BEND5: variants seen among roughly 807,000 people sequenced by gnomAD.
BEND5 encodes BEN domain containing 5, also known as BEN domain-containing protein 5.
Under a neutral mutation model 43.9 loss-of-function variants are expected in BEND5, and 22 were observed. The observed-to-expected ratio is 0.50, with a 90% CI of 0.36 to 0.72. BEND5 has a LOEUF of 0.72. Among genes scored for constraint, BEND5 ranks in the 30% least tolerant of loss-of-function variants. BEND5 has a pLI of 0.00. For missense variants in BEND5, 428 were observed against 550.6 expected, an observed-to-expected ratio of 0.78 and a Z score of 2.23; for synonymous variants, 228 against 225.9, an observed-to-expected ratio of 1.01 and a Z score of -0.08.
At chr1:48,765,622 A>AT (rs150108402) in intron 1 of BEND5, among the ~76,000 whole-genome samples, 34 of 152,356 alleles carry the variant, frequency 2.2e-4, no homozygotes, top group African/African-American at 7.9e-4. Context: ...ACAAATGTTC[A>AT]TAACAGCATT....
intron 2 of BEND5, among the ~76,000 whole-genome samples, chr1:48,759,887 A>C (rs1027288245): frequency 3.3e-5 from 5 of 152,158 alleles, no homozygotes; most frequent in African/African-American, 1.2e-4. Flanking sequence ...CTGCCTACTC[A>C]CTCAGAACTG....
chr1:48,744,596 T>C (rs1241437022), intron 3 of BEND5, among the ~76,000 whole-genome samples: 1 of 152,178 alleles, frequency 6.6e-6, no homozygotes, highest in Non-Finnish European at 1.5e-5. Context: ...AAAGCCTCCT[T>C]TTCCTTCCAT....
intron 4 of BEND5, among the ~76,000 whole-genome samples, chr1:48,737,329 G>A (rs867710622): frequency 2.6e-5 from 4 of 152,116 alleles, no homozygotes; most frequent in Admixed American, 2.0e-4. Context: ...TCATCAGTTC[G>A]TGGGCCCCAC....
intron 1 of BEND5, among the ~76,000 whole-genome samples, chr1:48,773,221 A>C (rs1644920636): frequency 6.6e-6 from 1 of 152,162 alleles, no homozygotes; most frequent in South Asian, 2.1e-4. Context: ...TTAGGGCTCT[A>C]GGCACAGAGA....
chr1:48,744,035 G>T (rs1258968401), intron 3 of BEND5, among the ~76,000 whole-genome samples: 4 of 152,158 alleles, frequency 2.6e-5, no homozygotes, highest in Non-Finnish European at 4.4e-5. Context: ...AACTCATCCT[G>T]GTAGAGATTT....
chr1:48,776,225 A>AG (rs543076802), intron 1 of BEND5, among the ~76,000 whole-genome samples: 83 of 152,212 alleles, frequency 5.5e-4, no homozygotes, highest in Non-Finnish European at 9.7e-4. Flanking sequence ...AACAGAGGGA[A>AG]GGAACTGGGA....
intron 3 of BEND5, among the ~76,000 whole-genome samples, chr1:48,750,568 T>G (rs1570496182): frequency 6.6e-6 from 1 of 152,318 alleles, no homozygotes; most frequent in Non-Finnish European, 1.5e-5. Flanking sequence ...ATCCCAACTG[T>G]CTGCTGTTGA....
intron 4 of BEND5, among the ~76,000 whole-genome samples, chr1:48,741,738 T>G (rs921588094): frequency 8.5e-5 from 13 of 152,206 alleles, no homozygotes; most frequent in African/African-American, 2.4e-4. Flanking sequence ...CAGAGACCTT[T>G]TGAAGCATGA....
intron 5 of BEND5, among the ~76,000 whole-genome samples, chr1:48,735,438 G>T (rs1045712405): frequency 2.0e-5 from 3 of 151,518 alleles, no homozygotes; most frequent in African/African-American, 7.3e-5. Flanking sequence ...AGAAAGAAGA[G>T]AGGAGGAAGG....
At chr1:48,738,723 G>A (rs991283001) in intron 4 of BEND5, among the ~76,000 whole-genome samples, 1 of 152,142 alleles carries the variant, frequency 6.6e-6, no homozygotes, top group Non-Finnish European at 1.5e-5. Context: ...TTGCTTTCCT[G>A]TGATCTTTTA....
chr1:48,752,445 C>T (rs575687805), intron 3 of BEND5, among the ~76,000 whole-genome samples: 86 of 152,278 alleles, frequency 5.6e-4, no homozygotes, highest in African/African-American at 1.7e-3. Flanking sequence ...CTATAAGCTA[C>T]AGACCAGTGA....
rs1439184977 is a variant in BEND5 at position 48,736,290 on chromosome 1, C to T, written c.1057G>A (p.Asp353Asn). The T allele has an allele frequency of 1.9e-6, 3 of 1,614,162 alleles. No individual in the cohort carries two copies. Among genetic ancestry groups the T allele is most frequent in the Non-Finnish European group, 2.5e-6 (3 of 1,180,016 alleles). Residue 353 changes from aspartate (D) to asparagine (N), a missense_variant, in exon 5 of 6, where the codon GAT (aspartate) becomes AAT (asparagine). Asp to Asn is a conservative substitution (Grantham distance 23). Around this residue, in one of 4 missense-constraint regions of BEND5, gnomAD observed 75 missense variants for 148.5 expected, o/e 0.50. Coordinates refer to ENST00000371833, the MANE Select transcript of BEND5 (RefSeq NM_024603.4). This position sits in a 1 kb window ranked among gnomAD's most constrained non-coding sequence, Gnocchi z 4.0. ...GAGAGGGGTGGTTTAGGGACTGCAT[C>T]TTTCTTTTTTTTTGTGGCGACGCCT... ...VTGVATKKKKDAVPKPPLSPH... is the reference protein window; with the variant it reads ...VTGVATKKKKNAVPKPPLSPH...
intron 3 of BEND5, among the ~76,000 whole-genome samples, chr1:48,755,963 GC>G (rs750127540): frequency 3.9e-5 from 6 of 152,300 alleles, no homozygotes; most frequent in Non-Finnish European, 8.8e-5. Flanking sequence ...TAGTTAACCT[GC>G]CCAAGGTCAT....
intron 3 of BEND5, 91 bp downstream of exon 3, chr1:48,758,809 G>T: frequency 2.5e-6 from 3 of 1,192,224 alleles, no homozygotes; most frequent in Non-Finnish European, 3.4e-6. Context: ...CAGGGCACTT[G>T]GTCTCCCTCT....
Position 48,736,428 on chromosome 1 carries a change from C to T in BEND5, c.919G>A (p.Val307Ile), listed in dbSNP as rs375214162. 9.9e-6 allele frequency: 16 copies of T among 1,614,034 alleles called. No homozygotes were observed. The highest frequency in any genetic ancestry group is 1.4e-5 in the Non-Finnish European group (16 of 1,180,040). Residue 307 changes from valine (V) to isoleucine (I), a missense_variant, in exon 5 of 6, where the codon GTT (valine) becomes ATT (isoleucine). Around this residue, in one of 4 missense-constraint regions of BEND5, gnomAD observed 75 missense variants for 148.5 expected, o/e 0.50. Transcript: ENST00000371833. This position sits in a 1 kb window ranked among gnomAD's most constrained non-coding sequence, Gnocchi z 4.0. ...GKVHLGSGIW[V>I]DEEKWHQLQV... is the part of the protein sequence containing the mutation. Reference sequence around the variant, plus strand: ...AGCTGGTGCCATTTCTCCTCATCAACCCAAATCCCGCTTCCCAGATGGACC... The same window carrying T: ...AGCTGGTGCCATTTCTCCTCATCAATCCAAATCCCGCTTCCCAGATGGACC...
At chr1:48,753,094 C>G (rs1332367589) in intron 3 of BEND5, among the ~76,000 whole-genome samples, 1 of 152,210 alleles carries the variant, frequency 6.6e-6, no homozygotes, top group Non-Finnish European at 1.5e-5. Context: ...ATCATTCACT[C>G]TCTTGTACAG....
intron 3 of BEND5, among the ~76,000 whole-genome samples, chr1:48,747,034 G>A (rs894396513): frequency 4.6e-5 from 7 of 152,188 alleles, no homozygotes; most frequent in South Asian, 2.1e-4. Flanking sequence ...CTTCACTACC[G>A]ATGTTGGCAA....
rs1025439890 is a variant in BEND5 at position 48,727,831 on chromosome 1, C to T, written c.*55G>A. 5.3e-5 allele frequency: 81 copies of T among 1,523,798 alleles called. No homozygotes were observed. The highest frequency in any genetic ancestry group is 3.6e-4 in the Admixed American group (21 of 58,100). The allele number at this position is 1,523,798 out of a possible 1,614,324, so 94.4% of individuals were successfully genotyped here. ...GTCTGATTTGGACGGCACCATCGCT[C>T]GCAAATCACATGCCACACAAGGAAA... On this transcript the variant is annotated 3_prime_UTR_variant, in exon 6 of 6. Coordinates refer to ENST00000371833, the MANE Select transcript of BEND5 (RefSeq NM_024603.4).
rs146958756 is a variant in BEND5, at chr1:48,733,245, A to T, written c.1108+2994T>A. On this transcript the variant is annotated intron_variant, in intron 5 of 5. Transcript: ENST00000371833. ...ATTTACATGATGCTGGGAAGGAACC[A>T]GTAGTAGAGCAGGAGCATAACTGAA... is the stretch of plus-strand genomic sequence containing the variant. Among the ~76,000 whole-genome samples the T allele has an allele frequency of 4.3e-3, 657 of 152,280 alleles. 4 individuals carry two copies. Among genetic ancestry groups the T allele is most frequent in the African/African-American group, 0.015 (629 of 41,546 alleles).
Sources: allele counts gnomAD v4.1 joint callset (sites outside exome capture counted in the v4.1 genomes callset), GRCh38; gene constraint gnomAD v4.1.1; regional missense constraint gnomAD v4.1.1; non-coding constraint Gnocchi (gnomAD v3.1); transcripts MANE v1.5; gene names NCBI Gene and HGNC (gene_info 2026-07-23, HGNC 2026-07-21).